UNC13C: variants seen among roughly 807,000 people sequenced by gnomAD.
UNC13C encodes the protein protein unc-13 homolog C.
UNC13C carries 174 observed loss-of-function variants against 245.4 expected under a neutral mutation model. That is an observed-to-expected ratio of 0.71 (90% CI 0.63 to 0.80). The LOEUF is 0.80. Among genes scored for constraint, UNC13C ranks in the 30% least tolerant of loss-of-function variants. UNC13C has a pLI of 0.00. For synonymous variants in UNC13C, 992 were observed against 895.1 expected, an observed-to-expected ratio of 1.11 and a Z score of -1.93; for missense variants, 2,829 against 2,602.9, an observed-to-expected ratio of 1.09 and a Z score of -1.89.
intron 19 of UNC13C, among the ~76,000 whole-genome samples, chr15:54,477,843 T>C (rs1892858185): frequency 6.7e-6 from 1 of 148,538 alleles, no homozygotes; most frequent in Admixed American, 6.7e-5. Context: ...TAAGGAGGAG[T>C]CCCTCTTTTT....
the UNC13C span, among the ~76,000 whole-genome samples, chr15:53,906,351 A>G: frequency 0.012 from 1,777 of 152,248 alleles, 33 homozygotes; most frequent in African/African-American, 0.041. Flanking sequence ...AGTTATATGA[A>G]TATCCCAACT....
rs530463273 is a variant in UNC13C at position 54,128,237 on chromosome 15, A to G, written c.2984-14781A>G. Among the ~76,000 whole-genome samples the G allele has an allele frequency of 2.6e-5, 4 of 152,374 alleles. No homozygotes were observed. In the South Asian group the frequency reaches 6.2e-4, roughly 24 times the overall value. ...GGTGAAAGATTTCTACAAGAACTAC[A>G]AAACCTTGCTGAATAAATCGGAGAC... On this transcript the variant is annotated intron_variant, in intron 2 of 32. Transcript: ENST00000260323.
intron 2 of UNC13C, among the ~76,000 whole-genome samples, chr15:54,030,903 C>T (rs1595739554): frequency 6.6e-6 from 1 of 152,324 alleles, no homozygotes; most frequent in East Asian, 1.9e-4. Flanking sequence ...GATTTTATTA[C>T]TACCTTCTAA....
At chr15:54,039,033 C>G (rs1312884798) in intron 2 of UNC13C, among the ~76,000 whole-genome samples, 1 of 152,166 alleles carries the variant, frequency 6.6e-6, no homozygotes. Flanking sequence ...CCACATGTCA[C>G]TTACCTACAA....
chr15:54,131,769 T>C (rs967473692), intron 2 of UNC13C, among the ~76,000 whole-genome samples: 3 of 152,210 alleles, frequency 2.0e-5, no homozygotes, highest in Admixed American at 1.3e-4. Context: ...ACTTTTGTGT[T>C]AGAACCTTAT....
At chr15:54,514,504 A>T (rs1894883267) in intron 24 of UNC13C, among the ~76,000 whole-genome samples, 1 of 152,262 alleles carries the variant, frequency 6.6e-6, no homozygotes, top group South Asian at 2.1e-4. Flanking sequence ...ATAAAAATTA[A>T]ATAGCAAATA....
the UNC13C span, among the ~76,000 whole-genome samples, chr15:53,959,334 T>A: frequency 6.6e-6 from 1 of 152,092 alleles, no homozygotes; most frequent in Non-Finnish European, 1.5e-5. Flanking sequence ...GTTCATATGG[T>A]ATTTGTATTT....
At chr15:54,576,437 G>A (rs1004964256) in intron 30 of UNC13C, among the ~76,000 whole-genome samples, 3 of 152,146 alleles carry the variant, frequency 2.0e-5, no homozygotes, top group Non-Finnish European at 4.4e-5. Context: ...TCTTTAAGCT[G>A]ATACTTAGTT....
intron 14 of UNC13C, among the ~76,000 whole-genome samples, chr15:54,324,240 G>A (rs943365173): frequency 6.6e-6 from 1 of 151,916 alleles, no homozygotes; most frequent in Non-Finnish European, 1.5e-5. Context: ...GGAACCTCAG[G>A]TTTTTATTCA....
At chr15:54,020,786 T>G (rs184417017) in intron 2 of UNC13C, among the ~76,000 whole-genome samples, 4 of 152,276 alleles carry the variant, frequency 2.6e-5, no homozygotes, top group African/African-American at 7.2e-5. Flanking sequence ...TAGAAACCAT[T>G]TAGTGCATAA....
At chr15:54,066,991 C>T (rs1898106575) in intron 2 of UNC13C, among the ~76,000 whole-genome samples, 1 of 152,054 alleles carries the variant, frequency 6.6e-6, no homozygotes, top group Admixed American at 6.6e-5. Flanking sequence ...GATGTTACCA[C>T]ACTCACTCCA....
intron 20 of UNC13C, 27 bp downstream of exon 20, chr15:54,494,761 C>A (rs565067714): frequency 1.3e-6 from 2 of 1,599,794 alleles, no homozygotes; most frequent in Admixed American, 3.5e-5. Flanking sequence ...ACACACACAC[C>A]CTCAGATCTA....
At chr15:54,411,091 A>G (rs1412763565) in intron 18 of UNC13C, among the ~76,000 whole-genome samples, 1 of 152,100 alleles carries the variant, frequency 6.6e-6, no homozygotes, top group East Asian at 1.9e-4. Flanking sequence ...ATATCTAATG[A>G]CTAATAATGT....
chr15:54,111,612 C>T (rs750481680), intron 2 of UNC13C, among the ~76,000 whole-genome samples: 2 of 152,170 alleles, frequency 1.3e-5, no homozygotes, highest in Non-Finnish European at 2.9e-5. Flanking sequence ...AGTTCTGAGA[C>T]ACTTTGATTC....
intron 19 of UNC13C, among the ~76,000 whole-genome samples, chr15:54,430,785 G>A (rs570265428): frequency 4.0e-5 from 6 of 151,662 alleles, no homozygotes; most frequent in African/African-American, 1.5e-4. Flanking sequence ...TGAGCTTTCT[G>A]GGAAATGGAG....
intron 4 of UNC13C, 52 bp downstream of exon 4, chr15:54,143,736 C>A: frequency 7.0e-7 from 1 of 1,434,204 alleles, no homozygotes; most frequent in Non-Finnish European, 9.8e-7. Flanking sequence ...TGGCACTTGG[C>A]TGTGTTCTCA....
chr15:53,885,914 G>A, the UNC13C span, among the ~76,000 whole-genome samples: 1 of 152,094 alleles, frequency 6.6e-6, no homozygotes, highest in African/African-American at 2.4e-5. Context: ...CGTTGGGTAT[G>A]GTTAACAATT....
At chr15:54,111,075 C>T (rs892231775) in intron 2 of UNC13C, among the ~76,000 whole-genome samples, 5 of 152,154 alleles carry the variant, frequency 3.3e-5, no homozygotes, top group African/African-American at 1.2e-4. Flanking sequence ...AATACTTTTC[C>T]TTCTTCCCTG....
chr15:54,455,897 G>C (rs376244316), intron 19 of UNC13C, among the ~76,000 whole-genome samples: 19 of 152,062 alleles, frequency 1.2e-4, no homozygotes, highest in African/African-American at 4.6e-4. Context: ...ATATATCTTT[G>C]TTTTTGTTGC....
Sources: allele counts gnomAD v4.1 joint callset (sites outside exome capture counted in the v4.1 genomes callset), GRCh38; gene constraint gnomAD v4.1.1; transcripts MANE v1.5; gene names NCBI Gene and HGNC (gene_info 2026-07-23, HGNC 2026-07-21).